The following PEX6 variants were observed in gnomAD, a reference collection of about 807,000 sequenced individuals.
PEX6 encodes the protein peroxisomal biogenesis factor 6.
Under a neutral mutation model 85.6 loss-of-function variants are expected in PEX6, and 55 were observed. The observed-to-expected ratio is 0.64, with a 90% CI of 0.52 to 0.80. The LOEUF (loss-of-function observed/expected upper bound fraction) is 0.80. Ranked by LOEUF, PEX6 falls within the 30% of genes least tolerant of loss-of-function variation. The probability of loss-of-function intolerance (pLI) is 0.00; values close to 1 mark genes in which losing one functional copy is unlikely to be tolerated. For missense variants in PEX6, 1,099 were observed against 1,260.3 expected (o/e 0.87, Z 1.94); for synonymous variants, 519 against 549.1 (o/e 0.95, Z 0.77).
chr6:42,975,316 G>A (rs1391180057), intron 1 of PEX6, among the ~76,000 whole-genome samples: 2 of 152,202 alleles, frequency 1.3e-5, no homozygotes, highest in Non-Finnish European at 2.9e-5. Flanking sequence ...CAGTGAAATG[G>A]TAAAGACATT....
At chr6:42,976,968 A>G (rs1770323161) in intron 1 of PEX6, among the ~76,000 whole-genome samples, 1 of 152,200 alleles carries the variant, frequency 6.6e-6, no homozygotes, top group Non-Finnish European at 1.5e-5. Flanking sequence ...ATGCCATAAA[A>G]AAGATAGAAA....
Position 42,966,882 on chromosome 6 carries a change from C to T in PEX6, c.1885-24G>A, listed in dbSNP as rs3818554. ...CCCTAGGGAACCACAGGAAAGGACA[C>T]ATGAGCAGGGCACAGTAGGCAGGAA... is the stretch of plus-strand genomic sequence containing the variant. On this transcript the variant is annotated intron_variant, in intron 8 of 16. Transcript: ENST00000304611. 0.52 allele frequency: 839,489 copies of T among 1,599,732 alleles called. 226,348 individuals are homozygous for T. The highest frequency in any genetic ancestry group is 0.74 in the African/African-American group (54,784 of 74,518).
intron 6 of PEX6, 99 bp downstream of exon 6, chr6:42,968,775 T>C (rs1769943434): frequency 2.1e-6 from 2 of 938,138 alleles, no homozygotes; most frequent in Non-Finnish European, 3.5e-6. Flanking sequence ...CTAGGGCCTG[T>C]GAGTAGACAG....
chr6:42,974,027 T>C lies in PEX6; in HGVS notation c.1106A>G (p.Glu369Gly). 3 of 1,614,020 alleles carry C rather than the reference T, an allele frequency of 1.9e-6. No individual in the cohort carries two copies. The highest frequency in any genetic ancestry group is 2.5e-6 in the Non-Finnish European group (3 of 1,179,894). ...VPTIGQVEIL[E>G]GSPEKLPRWR... ...CCTGGGCAGTTTCTCTGGACTTCCTTCCAGGATCTCTACTTGCCCAATTGT... is the reference window on the plus strand; with the variant it reads ...CCTGGGCAGTTTCTCTGGACTTCCTCCCAGGATCTCTACTTGCCCAATTGT... The change falls in exon 3 of 17, where the codon GAA becomes GGA. Residue 369 changes from glutamate (E) to glycine (G), a missense_variant. By Grantham distance (98) the Glu-to-Gly change is moderately conservative (BLOSUM62 -2). Transcript: ENST00000304611.
chr6:42,964,499 G>C lies in PEX6; in HGVS notation c.2807-28C>G, dbSNP rs769798066. On this transcript the variant is annotated intron_variant, in intron 16 of 16. Coordinates refer to ENST00000304611, the MANE Select transcript of PEX6 (RefSeq NM_000287.4). The surrounding 1 kb of genome is among the most constrained non-coding windows in gnomAD (Gnocchi z 4.6). ...GGAGATGACAAGGTGGGGAGGCTGT[G>C]GTCTATGCCCAGGCAGGGGAGAGCC... 2 of 1,612,130 alleles carry C rather than the reference G, an allele frequency of 1.2e-6. No homozygotes were observed. The highest frequency in any genetic ancestry group is 1.3e-5 in the African/African-American group (1 of 74,890).
At position 42,964,318 on chromosome 6, in the gene PEX6, C is replaced by T. The variant is rs1769632712; in HGVS notation, c.*17G>A. The T allele has an allele frequency of 2.5e-6, 4 of 1,613,364 alleles. No individual in the cohort carries two copies. Among genetic ancestry groups the T allele is most frequent in the Non-Finnish European group, 2.5e-6 (3 of 1,179,908 alleles). On this transcript the variant is annotated 3_prime_UTR_variant, in exon 17 of 17. Coordinates refer to ENST00000304611, the MANE Select transcript of PEX6 (RefSeq NM_000287.4). This position sits in a 1 kb window ranked among gnomAD's most constrained non-coding sequence, Gnocchi z 4.6. ...CCTGCAGCCATGCTGAGCGGGGTCCCAGACCCTGGGGGGCTCCTAGCAGGC... is the reference window on the plus strand; with the variant it reads ...CCTGCAGCCATGCTGAGCGGGGTCCTAGACCCTGGGGGGCTCCTAGCAGGC...
At chr6:42,967,684 G>A (rs1476581072) in intron 7 of PEX6, 121 bp from the exon 8 acceptor site, 1 of 805,344 alleles carries the variant, frequency 1.2e-6, no homozygotes, top group Non-Finnish European at 2.0e-6. Flanking sequence ...ATGGGGTAGG[G>A]AGATGAGCAT....
chr6:42,970,516 C>T (rs901388003), intron 3 of PEX6, among the ~76,000 whole-genome samples: 1 of 152,212 alleles, frequency 6.6e-6, no homozygotes, highest in Admixed American at 6.5e-5. Context: ...CTAAACATTT[C>T]TCACATATTA....
In PEX6 at chr6:42,970,093, C is replaced by T. The variant is rs80177971; in HGVS notation, c.1131-106G>A. 1.9e-3 allele frequency: 1,626 copies of T among 860,620 alleles called. 10 individuals are homozygous for T. The African/African-American group carries it at 0.022, about 12-fold the overall frequency. The allele number at this position is 860,620 out of a possible 1,614,324, so 53.3% of individuals were successfully genotyped here. ...AGGACAAACAAAAGCACCACAAGAG[C>T]GTGTCCCGAGTCATGGTGGGGAAAA... On this transcript the variant is annotated intron_variant, in intron 3 of 16. Coordinates refer to ENST00000304611, the MANE Select transcript of PEX6 (RefSeq NM_000287.4).
In PEX6 at chr6:42,969,976, AT is replaced by A; in HGVS notation, c.1141del (p.Met381CysfsTer5). On this transcript the variant is annotated frameshift_variant, in exon 4 of 17. Coordinates refer to ENST00000304611, the MANE Select transcript of PEX6 (RefSeq NM_000287.4). LOFTEE classifies it high-confidence loss of function. ...AACTGTTTTCTTCACTTTAAAAAAC[AT>A]TTCCCGCCACCTGCAGGAAAAAGGC... ...SPEKLPRWRE[M>X]FFKVKKTVGE... 1 of 1,614,088 alleles carries A rather than the reference AT, an allele frequency of 6.2e-7. No individual in the cohort carries two copies.
chr6:42,977,768 CAAAAAAAAAA>C (rs200706906), intron 1 of PEX6, among the ~76,000 whole-genome samples: 1 of 51,698 alleles, frequency 1.9e-5, no homozygotes, highest in Non-Finnish European at 3.4e-5. Context: ...GACCCCATCT[CAAAAAAAAAA>C]AAAAAAAAAA....
chr6:42,964,231 G>A lies in PEX6; in HGVS notation c.*104C>T. The A allele has an allele frequency of 1.4e-6, 2 of 1,418,728 alleles. No homozygotes were observed. Among genetic ancestry groups the A allele is most frequent in the South Asian group, 1.2e-5 (1 of 84,330 alleles). The allele number at this position is 1,418,728 out of a possible 1,614,324, so 87.9% of individuals were successfully genotyped here. On this transcript the variant is annotated 3_prime_UTR_variant, in exon 17 of 17. Transcript: ENST00000304611. The surrounding 1 kb of genome is among the most constrained non-coding windows in gnomAD (Gnocchi z 4.6). ...CCTGGAGGGAGGTGGCCTCCAGGTGGGTTGGCAGCAGCCTGAGGAGGAGCC... is the reference window on the plus strand; with the variant it reads ...CCTGGAGGGAGGTGGCCTCCAGGTGAGTTGGCAGCAGCCTGAGGAGGAGCC...
intron 3 of PEX6, among the ~76,000 whole-genome samples, chr6:42,973,389 A>G (rs1581770840): frequency 6.6e-6 from 1 of 152,156 alleles, no homozygotes; most frequent in Non-Finnish European, 1.5e-5. Context: ...GCCAGCAGGG[A>G]GTGGTTCTTT....
intron 3 of PEX6, among the ~76,000 whole-genome samples, chr6:42,973,203 G>C (rs1770131705): frequency 6.6e-6 from 1 of 151,586 alleles, no homozygotes; most frequent in African/African-American, 2.4e-5. Flanking sequence ...GTAGAGACAG[G>C]GTTTCACCAT....
At chr6:42,969,604 G>A (rs1769986022) in intron 5 of PEX6, 64 bp downstream of exon 5, 2 of 1,601,584 alleles carry the variant, frequency 1.2e-6, no homozygotes, top group Non-Finnish European at 1.7e-6. Flanking sequence ...CCATCTGGCT[G>A]CTGCTCCTCC....
At chr6:42,968,755 G>C in intron 6 of PEX6, 119 bp downstream of exon 6, 1 of 854,932 alleles carries the variant, frequency 1.2e-6, no homozygotes, top group Non-Finnish European at 2.0e-6. Context: ...TGACCCACTG[G>C]GCTGAAGTGC....
chr6:42,978,789 C>G lies in PEX6; in HGVS notation c.362G>C (p.Gly121Ala). Reference sequence around the variant, plus strand: ...CTCTCCGCGCCTCACCAGCAGCGGCCCGACTCGCGGTCCGAGCCCAGGCCC... The same window carrying G: ...CTCTCCGCGCCTCACCAGCAGCGGCGCGACTCGCGGTCCGAGCCCAGGCCC... Reference protein sequence around the residue: ...SLGPGLGPRVGPLLVRRGETL... With the variant: ...SLGPGLGPRVAPLLVRRGETL... The change falls in exon 1 of 17, where the codon GGG becomes GCG. Residue 121 changes from glycine (G) to alanine (A), a missense_variant. Transcript: ENST00000304611. The G allele has an allele frequency of 1.3e-6, 2 of 1,534,218 alleles. No individual in the cohort carries two copies. The highest frequency in any genetic ancestry group is 1.7e-6 in the Non-Finnish European group (2 of 1,146,638).
At chr6:42,974,137 G>A in intron 2 of PEX6, 51 bp from the exon 3 acceptor site, 21 of 1,358,592 alleles carry the variant, frequency 1.5e-5, no homozygotes, top group Non-Finnish European at 2.0e-5. Flanking sequence ...TAATGAGCAT[G>A]TGTTCATTAC....
At position 42,966,763 on chromosome 6, in the gene PEX6, G is replaced by A. The variant is rs527464912; in HGVS notation, c.1961+19C>T. ...ATCCATTTCCTCTTTCCGCCTTTCC[G>A]GTGCCCACGTCCTCTTACCCTGAGT... On this transcript the variant is annotated intron_variant, in intron 9 of 16. Coordinates refer to ENST00000304611, the MANE Select transcript of PEX6 (RefSeq NM_000287.4). 8.1e-5 allele frequency: 130 copies of A among 1,613,754 alleles called. 1 individual carries two copies. In the South Asian group the frequency reaches 1.3e-3, roughly 16 times the overall value.
Sources: allele counts gnomAD v4.1 joint callset (sites outside exome capture counted in the v4.1 genomes callset), GRCh38; gene constraint gnomAD v4.1.1; non-coding constraint Gnocchi (gnomAD v3.1); transcripts MANE v1.5; gene names NCBI Gene and HGNC (gene_info 2026-07-23, HGNC 2026-07-21).